The following NASP variants were observed in gnomAD, a reference collection of about 807,000 sequenced individuals.
NASP encodes the protein NASP histone chaperone.
A neutral mutation model predicts 89.5 loss-of-function variants in NASP; 24 were observed. The observed-to-expected ratio is 0.27, with a 90% CI of 0.19 to 0.38. The LOEUF is 0.38. Among genes scored for constraint, NASP ranks in the 10% least tolerant of loss-of-function variants. The pLI, the probability that NASP is intolerant of heterozygous loss-of-function variation, is 1.00. For synonymous variants in NASP, 306 were observed against 324.7 expected, an observed-to-expected ratio of 0.94 and a Z score of 0.62; for missense variants, 848 against 921.4, an observed-to-expected ratio of 0.92 and a Z score of 1.03.
chr1:45,597,016 T>G (rs1384872674), intron 2 of NASP, among the ~76,000 whole-genome samples: 1 of 151,326 alleles, frequency 6.6e-6, no homozygotes, highest in Non-Finnish European at 1.5e-5. Context: ...AAAAAAGAAA[T>G]TACCACTTGT....
Position 45,616,822 on chromosome 1 carries a change from A to C in NASP, c.2157+119A>C. ...AAGACACTTATTTTCCAAAGGTGGT[A>C]AGGATTTGTGAGTGGAGACTGTTGT... On this transcript the variant is annotated intron_variant, in intron 13 of 14. Transcript: ENST00000350030. The C allele has an allele frequency of 5.1e-6, 5 of 989,174 alleles. No individual in the cohort carries two copies. The South Asian group carries it at 6.9e-5, about 14-fold the overall frequency. 61.3% of individuals were successfully genotyped at this position (989,174 alleles called of 1,614,324 possible).
At chr1:45,601,909 C>T (rs1049918561) in intron 2 of NASP, among the ~76,000 whole-genome samples, 12 of 151,676 alleles carry the variant, frequency 7.9e-5, no homozygotes, top group South Asian at 2.1e-4. Context: ...CCCGCCACCA[C>T]GCCCGGCTAA....
At chr1:45,613,988 T>G in intron 7 of NASP, 108 bp from the exon 8 acceptor site, 2 of 808,262 alleles carry the variant, frequency 2.5e-6, no homozygotes, top group Non-Finnish European at 4.0e-6. Context: ...AGGGAGAAAG[T>G]CCAAATTTTG....
At chr1:45,616,776 C>G in intron 13 of NASP, 73 bp downstream of exon 13, 1 of 1,378,456 alleles carries the variant, frequency 7.3e-7, no homozygotes, top group Non-Finnish European at 1.0e-6. Flanking sequence ...CTATAAACCC[C>G]TCCCTATAGT....
chr1:45,602,474 TTTGA>T (rs1366534243), intron 3 of NASP, 109 bp downstream of exon 3: 22 of 1,056,004 alleles, frequency 2.1e-5, no homozygotes, highest in Non-Finnish European at 2.8e-5. Flanking sequence ...TTTTAAAACA[TTTGA>T]TTATTTTTCA....
chr1:45,617,696 G>T, intron 14 of NASP, 105 bp downstream of exon 14: 1 of 1,329,712 alleles, frequency 7.5e-7, no homozygotes, highest in Non-Finnish European at 1.0e-6. Flanking sequence ...GCCTGCTAAC[G>T]ATTGTTGAGT....
rs754795974 is a variant in NASP at position 45,615,430 on chromosome 1, C to T, written c.1981C>T (p.Arg661Cys). ...GATAGAAGATGCAAAGGAGTCTCAG[C>T]GTAGTGGGAATGTAGCTGAACTGGC... ...EKIEDAKESQRSGNVAELALK... is the reference protein window; with the variant it reads ...EKIEDAKESQCSGNVAELALK... Residue 661 changes from arginine (R) to cysteine (C), a missense_variant, in exon 11 of 15, where the codon CGT (arginine) becomes TGT (cysteine). By Grantham distance (180) the Arg-to-Cys change is radical. Around this residue, in one of 5 missense-constraint regions of NASP, gnomAD observed 218 missense variants for 219.6 expected, o/e 0.99. Transcript: ENST00000350030. The T allele has an allele frequency of 9.3e-6, 15 of 1,613,946 alleles. No homozygotes were observed. Among genetic ancestry groups the T allele is most frequent in the Admixed American group, 6.7e-5 (4 of 59,988 alleles).
At chr1:45,611,290 C>G (rs1644004248) in intron 6 of NASP, 1 of 152,046 alleles carries the variant, frequency 6.6e-6, no homozygotes, top group African/African-American at 2.4e-5. Flanking sequence ...AAGACAACCT[C>G]TAATTTGAAA....
chr1:45,593,681 A>C (rs1221886618), intron 2 of NASP, among the ~76,000 whole-genome samples: 1 of 149,538 alleles, frequency 6.7e-6, no homozygotes, highest in Non-Finnish European at 1.5e-5. Context: ...TTTTTCTCTT[A>C]AACGGGAAAA....
Position 45,618,096 on chromosome 1 carries a change from G to A in NASP, c.2322G>A (p.Glu774=). ...ENQAESRAAV[E]GTVEAGATVE... ...AGGCTGAAAGCCGGGCAGCAGTGGA[G>A]GGGACAGTGGAGGCTGGAGCTACAG... is the stretch of plus-strand genomic sequence containing the variant. Residue 774 remains glutamate (E), a synonymous_variant, in exon 15 of 15, where the codon GAG becomes GAA. Transcript: ENST00000350030. 1 of 1,604,130 alleles carries A rather than the reference G, an allele frequency of 6.2e-7. No homozygotes were observed. Among genetic ancestry groups the A allele is most frequent in the Non-Finnish European group, 8.5e-7 (1 of 1,175,212 alleles).
chr1:45,612,498 T>A (rs1644032534), intron 6 of NASP: 1 of 152,184 alleles, frequency 6.6e-6, no homozygotes, highest in South Asian at 2.1e-4. Flanking sequence ...GACTTGTGAG[T>A]GTATTCAATA....
In NASP at chr1:45,596,274, C is replaced by T. The variant is rs181934202; in HGVS notation, c.107+5004C>T. Among the ~76,000 whole-genome samples the T allele has an allele frequency of 3.8e-3, 578 of 152,216 alleles. 1 individual carries two copies. Among genetic ancestry groups the T allele is most frequent in the Non-Finnish European group, 5.9e-3 (400 of 68,002 alleles). ...ATATAAAATTTTCCATCTTTTTAAG[C>T]GTGTAAGTCAGTAGTGTTAAGTAAA... On this transcript the variant is annotated intron_variant, in intron 2 of 14. Coordinates refer to ENST00000350030, the MANE Select transcript of NASP (RefSeq NM_002482.4).
intron 1 of NASP, among the ~76,000 whole-genome samples, chr1:45,584,950 G>A (rs1026631308): frequency 2.6e-5 from 4 of 152,218 alleles, no homozygotes; most frequent in Admixed American, 1.3e-4. Context: ...TCGTTCTTTA[G>A]ACTTTGGAGG....
chr1:45,588,562 A>T (rs1644590644), intron 1 of NASP: 3 of 433,700 alleles, frequency 6.9e-6, no homozygotes, highest in Non-Finnish European at 1.4e-5. Flanking sequence ...TTAGCAATGT[A>T]TGGGAGTACA....
intron 2 of NASP, among the ~76,000 whole-genome samples, chr1:45,595,456 CTG>C (rs1459337916): frequency 6.6e-6 from 1 of 152,270 alleles, no homozygotes; most frequent in African/African-American, 2.4e-5. Context: ...TTTCTTAACA[CTG>C]TGCCATAAAT....
At chr1:45,596,511 T>C (rs1470250182) in intron 2 of NASP, among the ~76,000 whole-genome samples, 2 of 152,230 alleles carry the variant, frequency 1.3e-5, no homozygotes, top group African/African-American at 2.4e-5. Flanking sequence ...GTTCTTAACG[T>C]TCATCCATGT....
chr1:45,591,035 GC>G (rs1643535455), intron 1 of NASP, among the ~76,000 whole-genome samples, 187 bp from the exon 2 acceptor site: 3 of 152,132 alleles, frequency 2.0e-5, no homozygotes, highest in Admixed American at 2.0e-4. Context: ...CTTATTTTCA[GC>G]CCTGGATATT....
chr1:45,598,398 A>G (rs55642657), intron 2 of NASP, among the ~76,000 whole-genome samples: 139 of 152,096 alleles, frequency 9.1e-4, no homozygotes, highest in African/African-American at 3.3e-3. Context: ...GCCTGGACCC[A>G]TTAGTTTTCT....
chr1:45,617,177 C>G (rs1644121465), intron 13 of NASP: 1 of 351,420 alleles, frequency 2.8e-6, no homozygotes, highest in African/African-American at 2.1e-5. Flanking sequence ...TTTCCTGACT[C>G]AAACACAGGA....
Sources: gnomAD v4.1 joint callset for allele counts (sites outside exome capture counted in the v4.1 genomes callset) on GRCh38, gnomAD v4.1.1 for gene constraint, gnomAD v4.1.1 regional missense constraint, MANE v1.5 for transcripts, NCBI Gene and HGNC (gene_info 2026-07-23, HGNC 2026-07-21) for gene names.